The following CABCOCO1 variants were observed in gnomAD, a reference collection of about 807,000 sequenced individuals.
The protein encoded by CABCOCO1 is ciliary associated calcium binding coiled-coil 1.
A neutral mutation model predicts 35.7 loss-of-function variants in CABCOCO1; 28 were observed. The observed-to-expected ratio is 0.78, with a 90% CI of 0.58 to 1.07. CABCOCO1 has a LOEUF of 1.07. Ranked by LOEUF, CABCOCO1 falls within the 50% of genes least tolerant of loss-of-function variation. CABCOCO1 has a pLI of 0.00. For synonymous variants in CABCOCO1, 95 were observed against 100.1 expected (o/e 0.95, Z 0.30); for missense variants, 326 against 309.2 (o/e 1.05, Z -0.41).
intron 7 of CABCOCO1, among the ~76,000 whole-genome samples, chr10:61,761,617 G>A (rs1478124114): frequency 6.6e-6 from 1 of 151,992 alleles, no homozygotes; most frequent in Non-Finnish European, 1.5e-5. Flanking sequence ...AAGACTTACA[G>A]GAATTCACAT....
At chr10:61,677,511 A>AT (rs201210224) in intron 2 of CABCOCO1, among the ~76,000 whole-genome samples, 16 of 150,164 alleles carry the variant, frequency 1.1e-4, no homozygotes, top group African/African-American at 2.4e-4. Context: ...GTTCATTACC[A>AT]TTTTTTTTCC....
intron 5 of CABCOCO1, chr10:61,701,564 CAGGA>C (rs1840460287): frequency 1.1e-6 from 1 of 876,144 alleles, no homozygotes; most frequent in Non-Finnish European, 1.4e-6. Context: ...CAATAGATGG[CAGGA>C]CTTGGGGGAA....
At chr10:61,762,752 G>A (rs1293153387) in intron 7 of CABCOCO1, among the ~76,000 whole-genome samples, 1 of 152,046 alleles carries the variant, frequency 6.6e-6, no homozygotes, top group African/African-American at 2.4e-5. Context: ...CCCTGAATGG[G>A]AGCTGTGACC....
At chr10:61,672,356 A>G (rs1462709408) in intron 1 of CABCOCO1, among the ~76,000 whole-genome samples, 1 of 152,212 alleles carries the variant, frequency 6.6e-6, no homozygotes, top group African/African-American at 2.4e-5. Flanking sequence ...CCCCAGATTC[A>G]ATGAGGAATG....
intron 1 of CABCOCO1, among the ~76,000 whole-genome samples, chr10:61,668,813 T>C (rs1429933617): frequency 6.8e-6 from 1 of 147,622 alleles, no homozygotes; most frequent in African/African-American, 2.5e-5. Flanking sequence ...TTGAAGGAAG[T>C]GCCAAAAAAC....
intron 5 of CABCOCO1, among the ~76,000 whole-genome samples, chr10:61,710,200 A>G (rs909511922): frequency 6.6e-6 from 1 of 151,772 alleles, no homozygotes; most frequent in African/African-American, 2.4e-5. Context: ...TCATTTCCAC[A>G]TACAGTTTTG....
At chr10:61,702,574 C>A (rs1840486001) in intron 5 of CABCOCO1, among the ~76,000 whole-genome samples, 1 of 151,926 alleles carries the variant, frequency 6.6e-6, no homozygotes, top group African/African-American at 2.4e-5. Context: ...TGTAAGTCAA[C>A]CAAGACTCTA....
Position 61,690,613 on chromosome 10 carries a change from G to A in CABCOCO1, c.544G>A (p.Gly182Arg), listed in dbSNP as rs748248447. The A allele has an allele frequency of 1.3e-6, 2 of 1,594,312 alleles. No homozygotes were observed. Among genetic ancestry groups the A allele is most frequent in the Admixed American group, 1.7e-5 (1 of 59,454 alleles). ...CTCTGCCAGGGAAGAAATTGTGATA[G>A]GAACTGAGGTAAGTAATTTATCTAG... ...FYSAREEIVIGTEQVIEVVKS... is the reference protein window; with the variant it reads ...FYSAREEIVIRTEQVIEVVKS... The change falls in exon 5 of 8, where the codon GGA (glycine) becomes AGA (arginine). Residue 182 changes from glycine to arginine, a missense_variant. By Grantham distance (125) the Gly-to-Arg change is moderately radical. Transcript: ENST00000648843.
intron 5 of CABCOCO1, among the ~76,000 whole-genome samples, chr10:61,730,965 A>G (rs1462129976): frequency 6.6e-6 from 1 of 151,800 alleles, no homozygotes; most frequent in East Asian, 1.9e-4. Context: ...GTAAATCGAA[A>G]GAGACTAAAG....
intron 1 of CABCOCO1, among the ~76,000 whole-genome samples, chr10:61,665,780 G>A (rs1026973011): frequency 7.8e-4 from 118 of 151,392 alleles, no homozygotes; most frequent in African/African-American, 2.6e-3. Flanking sequence ...CCAGCTACTC[G>A]GGAGGCTGAG....
intron 5 of CABCOCO1, among the ~76,000 whole-genome samples, chr10:61,706,585 G>A (rs1043133404): frequency 6.6e-6 from 1 of 152,134 alleles, no homozygotes; most frequent in African/African-American, 2.4e-5. Flanking sequence ...ACAGTCCTAT[G>A]TTAAATATTT....
intron 5 of CABCOCO1, among the ~76,000 whole-genome samples, chr10:61,701,082 T>C (rs2132014286): frequency 6.6e-6 from 1 of 152,220 alleles, no homozygotes; most frequent in African/African-American, 2.4e-5. Flanking sequence ...ATGTTAATGG[T>C]ATACCAGATC....
chr10:61,672,493 A>G (rs1809049270), intron 1 of CABCOCO1, among the ~76,000 whole-genome samples, 139 bp from the exon 2 acceptor site: 1 of 152,254 alleles, frequency 6.6e-6, no homozygotes, highest in African/African-American at 2.4e-5. Flanking sequence ...AAAAGAAAAG[A>G]TACCATCTCG....
At chr10:61,703,551 T>C (rs1055383247) in intron 5 of CABCOCO1, among the ~76,000 whole-genome samples, 1 of 152,148 alleles carries the variant, frequency 6.6e-6, no homozygotes, top group African/African-American at 2.4e-5. Flanking sequence ...GAGCAACTCA[T>C]GTTTCTTCTA....
chr10:61,744,908 T>C (rs1841624480), intron 5 of CABCOCO1, among the ~76,000 whole-genome samples: 1 of 152,200 alleles, frequency 6.6e-6, no homozygotes, highest in Non-Finnish European at 1.5e-5. Context: ...TGAGTTCGTT[T>C]CCAAATGTGC....
chr10:61,763,691 T>G (rs974404231), intron 7 of CABCOCO1, among the ~76,000 whole-genome samples: 1 of 151,784 alleles, frequency 6.6e-6, no homozygotes, highest in African/African-American at 2.4e-5. Context: ...ACCCTAGATG[T>G]TTTTAGGTCA....
At chr10:61,737,887 T>C (rs1184941157) in intron 5 of CABCOCO1, among the ~76,000 whole-genome samples, 1 of 151,988 alleles carries the variant, frequency 6.6e-6, no homozygotes, top group East Asian at 1.9e-4. Context: ...TGTAATAATA[T>C]GTACAACAAA....
chr10:61,688,467 G>A (rs1840031944), intron 4 of CABCOCO1, among the ~76,000 whole-genome samples: 1 of 152,112 alleles, frequency 6.6e-6, no homozygotes, highest in Non-Finnish European at 1.5e-5. Flanking sequence ...TCCCCCACAT[G>A]ACTGTAAGTA....
In CABCOCO1 at chr10:61,680,646, T is replaced by C. The variant is rs141670077; in HGVS notation, c.165-497T>C. The stretch of plus-strand genomic sequence containing the variant: ...ACATATACATGTTATACATATATAA[T>C]ATATATTATGTTATACATGTATAAC... On this transcript the variant is annotated intron_variant, in intron 2 of 7. Transcript: ENST00000648843. 7.3e-3 allele frequency among the ~76,000 whole-genome samples: 195 copies of C among 26,774 alleles called. 8 individuals carry two copies. Among genetic ancestry groups the C allele is most frequent in the East Asian group, 0.021 (11 of 530 alleles). 17.6% of individuals were successfully genotyped at this position (26,774 alleles called of 152,430 possible). A position where few individuals can be genotyped will look rare whatever the true frequency, so the allele number is the denominator to read the frequency against.
Sources: allele counts gnomAD v4.1 joint callset (sites outside exome capture counted in the v4.1 genomes callset), GRCh38; gene constraint gnomAD v4.1.1; transcripts MANE v1.5; gene names NCBI Gene and HGNC (gene_info 2026-07-23, HGNC 2026-07-21).